The following COL4A4 variants were observed in gnomAD, a reference collection of about 807,000 sequenced individuals.
COL4A4 encodes collagen alpha-4(IV) chain.
Under a neutral mutation model 192.9 loss-of-function variants are expected in COL4A4, and 105 were observed. The observed-to-expected ratio is 0.54, with a 90% confidence interval of 0.46 to 0.64. The LOEUF is 0.64. Ranked by LOEUF, COL4A4 falls within the 30% of genes least tolerant of loss-of-function variation. The pLI is 0.00. For synonymous variants in COL4A4, 762 were observed against 769.9 expected (o/e 0.99, Z 0.17); for missense variants, 1,967 against 2,169.3 (o/e 0.91, Z 1.85).
intron 12 of COL4A4, among the ~76,000 whole-genome samples, chr2:227,106,322 C>G (rs1465944507): frequency 6.6e-6 from 1 of 152,128 alleles, no homozygotes; most frequent in Non-Finnish European, 1.5e-5. Context: ...TAAAAGCTGA[C>G]AAGCAGCCGG....
At chr2:227,032,078 G>T in intron 39 of COL4A4, 23 bp from the exon 40 acceptor site, 1 of 1,613,816 alleles carries the variant, frequency 6.2e-7, no homozygotes, top group Non-Finnish European at 8.5e-7. Flanking sequence ...ATGTTCACAT[G>T]TTATCCTCAT....
chr2:227,047,608 G>A, intron 34 of COL4A4, 59 bp from the exon 35 acceptor site: 1 of 1,168,656 alleles, frequency 8.6e-7, no homozygotes, highest in Non-Finnish European at 1.3e-6. Context: ...GTCTCATACA[G>A]GTGACAGTAA....
At chr2:227,109,901 C>G (rs2061096697) in intron 9 of COL4A4, among the ~76,000 whole-genome samples, 1 of 152,156 alleles carries the variant, frequency 6.6e-6, no homozygotes, top group African/African-American at 2.4e-5. Flanking sequence ...AAATGCATTA[C>G]TACCTACTCC....
intron 25 of COL4A4, among the ~76,000 whole-genome samples, chr2:227,068,516 A>G (rs2058495870): frequency 6.6e-6 from 1 of 152,232 alleles, no homozygotes; most frequent in South Asian, 2.1e-4. Flanking sequence ...AAGCTTATCC[A>G]CCATGATCAA....
At chr2:227,110,750 C>T (rs2061153460) in intron 9 of COL4A4, among the ~76,000 whole-genome samples, 1 of 141,290 alleles carries the variant, frequency 7.1e-6, no homozygotes, top group African/African-American at 2.6e-5. Context: ...ATGGTGCCAT[C>T]TCAGCTTACT....
the COL4A4 span, among the ~76,000 whole-genome samples, chr2:226,981,891 G>T: frequency 1.3e-5 from 2 of 152,172 alleles, no homozygotes; most frequent in South Asian, 4.1e-4. Context: ...TCACTGCCAC[G>T]TATCTCATGG....
chr2:226,995,650 T>G, the COL4A4 span: 2 of 698,074 alleles, frequency 2.9e-6, no homozygotes, highest in Non-Finnish European at 5.1e-6. Context: ...TCCAGATCGC[T>G]CACATCACCT....
In COL4A4 at chr2:227,050,963, C is replaced by A. The variant is rs201486440; in HGVS notation, c.3150+14G>T. On this transcript the variant is annotated intron_variant, in intron 33 of 47. Transcript: ENST00000396625. ...TTTTATTGTCTCTTCCCCCACAAAGCAGTAGCCCCTTACCTGGTCACCTGG... is the reference window on the plus strand; with the variant it reads ...TTTTATTGTCTCTTCCCCCACAAAGAAGTAGCCCCTTACCTGGTCACCTGG... 3.8e-5 allele frequency: 62 copies of A among 1,614,182 alleles called. No individual in the cohort carries two copies. Among genetic ancestry groups the A allele is most frequent in the Middle Eastern group, 3.3e-4 (2 of 6,062 alleles).
At chr2:227,066,108 T>G (rs1418837504) in intron 25 of COL4A4, among the ~76,000 whole-genome samples, 1 of 152,088 alleles carries the variant, frequency 6.6e-6, no homozygotes, top group Admixed American at 6.6e-5. Flanking sequence ...TGCGATCAAC[T>G]GGAACAAAGG....
intron 26 of COL4A4, among the ~76,000 whole-genome samples, chr2:227,061,400 G>A (rs971204816): frequency 6.6e-6 from 1 of 152,196 alleles, no homozygotes; most frequent in African/African-American, 2.4e-5. Flanking sequence ...GAGGTGTGGA[G>A]GGAGCCTGTG....
chr2:226,974,114 A>T, the COL4A4 span, among the ~76,000 whole-genome samples: 1 of 152,154 alleles, frequency 6.6e-6, no homozygotes, highest in South Asian at 2.1e-4. Flanking sequence ...TCGGTGTAAC[A>T]CTTCAAAGAA....
At chr2:227,024,854 C>T (rs987217744) in intron 43 of COL4A4, among the ~76,000 whole-genome samples, 1 of 152,226 alleles carries the variant, frequency 6.6e-6, no homozygotes, top group African/African-American at 2.4e-5. Context: ...TGAGTAATGT[C>T]TGGCCCTTCC....
rs374962328 is a variant in COL4A4, at chr2:227,018,429, C to T, written c.4216+3619G>A. Among the ~76,000 whole-genome samples the T allele has an allele frequency of 6.6e-5, 10 of 152,218 alleles. No individual in the cohort carries two copies. The East Asian group carries it at 1.2e-3, about 18-fold the overall frequency. ...TACCTGTCACTCTTTAGTAACTGGA[C>T]GGGATGAGCAATACAGCCAGTGTGC... On this transcript the variant is annotated intron_variant, in intron 44 of 47. Transcript: ENST00000396625.
At chr2:227,043,771 C>G (rs984047269) in intron 35 of COL4A4, among the ~76,000 whole-genome samples, 1 of 152,124 alleles carries the variant, frequency 6.6e-6, no homozygotes, top group Non-Finnish European at 1.5e-5. Flanking sequence ...AATTCCATCC[C>G]TAAATACTTC....
the COL4A4 span, among the ~76,000 whole-genome samples, chr2:226,971,196 C>G: frequency 6.6e-6 from 1 of 152,214 alleles, no homozygotes; most frequent in Admixed American, 6.5e-5. Flanking sequence ...GCCTCTTGCT[C>G]TCATTCACTC....
At chr2:227,060,064 A>G in intron 27 of COL4A4, 72 bp downstream of exon 27, 4 of 965,120 alleles carry the variant, frequency 4.1e-6, no homozygotes, top group Middle Eastern at 3.2e-4. Context: ...CCATCGGTAG[A>G]AATGTTAAAA....
chr2:227,101,595 T>C, intron 16 of COL4A4, 38 bp from the exon 17 acceptor site: 2 of 1,106,150 alleles, frequency 1.8e-6, no homozygotes, highest in Admixed American at 1.9e-5. Context: ...AAAAAAAAAG[T>C]GACTGGGTGA....
chr2:227,100,717 T>C (rs2060461307), intron 17 of COL4A4, among the ~76,000 whole-genome samples: 1 of 152,118 alleles, frequency 6.6e-6, no homozygotes. Flanking sequence ...AATCTCATCT[T>C]GAATGGTAAC....
At chr2:226,988,582 A>T in the COL4A4 span, 1 of 1,382,818 alleles carries the variant, frequency 7.2e-7, no homozygotes, top group Non-Finnish European at 9.4e-7. Context: ...CATCAGAAAC[A>T]TCAGAAGAGG....
Sources: allele counts gnomAD v4.1 joint callset (sites outside exome capture counted in the v4.1 genomes callset), GRCh38; gene constraint gnomAD v4.1.1; transcripts MANE v1.5; gene names NCBI Gene and HGNC (gene_info 2026-07-23, HGNC 2026-07-21).